The following TRAF5 variants were observed in gnomAD, a reference collection of about 807,000 sequenced individuals.
TRAF5 encodes the protein TNF receptor-associated factor 5.
In TRAF5, 48 loss-of-function variants were observed where a neutral mutation model predicts 64.5. That is an observed-to-expected ratio of 0.74 (90% CI 0.59 to 0.95). The LOEUF is 0.95. Ranked by LOEUF, TRAF5 falls within the 40% of genes least tolerant of loss-of-function variation. TRAF5 has a pLI of 0.00. For synonymous variants in TRAF5, 206 were observed against 240.5 expected, an observed-to-expected ratio of 0.86 and a Z score of 1.33; for missense variants, 545 against 662.8, an observed-to-expected ratio of 0.82 and a Z score of 1.95.
chr1:211,369,713 G>T, intron 9 of TRAF5, 121 bp downstream of exon 9: 1 of 1,144,112 alleles, frequency 8.7e-7, no homozygotes, highest in East Asian at 2.7e-5. Context: ...AGAATAAGAT[G>T]GTGCAAAGAA....
chr1:211,347,644 G>A (rs923708088), intron 1 of TRAF5, among the ~76,000 whole-genome samples: 2 of 152,198 alleles, frequency 1.3e-5, no homozygotes, highest in African/African-American at 4.8e-5. Context: ...GTCCTCTGCT[G>A]GCTGTTCAGC....
At position 211,339,584 on chromosome 1, in the gene TRAF5, C is replaced by A. The variant is rs546480082; in HGVS notation, c.-2+12695C>A. 5.3e-5 allele frequency among the ~76,000 whole-genome samples: 8 copies of A among 152,302 alleles called. No individual in the cohort carries two copies. In the East Asian group the frequency reaches 1.5e-3, roughly 29 times the overall value. ...CCCAGTTCTACCTACTTCTCTTGGA[C>A]CTCCTCTCTGGGCTCCCTACCTGCT... On this transcript the variant is annotated intron_variant, in intron 1 of 10. Coordinates refer to ENST00000261464, the MANE Select transcript of TRAF5 (RefSeq NM_001033910.3).
At chr1:211,339,848 T>TA (rs1411933321) in intron 1 of TRAF5, among the ~76,000 whole-genome samples, 1 of 152,164 alleles carries the variant, frequency 6.6e-6, no homozygotes, top group Non-Finnish European at 1.5e-5. Context: ...TCTCACAACA[T>TA]GTACCCCAGC....
At chr1:211,346,260 AT>A (rs1370369605) in intron 1 of TRAF5, 1 of 591,118 alleles carries the variant, frequency 1.7e-6, no homozygotes, top group Non-Finnish European at 2.1e-6. Flanking sequence ...CCAGTGGGAT[AT>A]TGTAATTGAT....
chr1:211,341,321 C>T (rs180779280), intron 1 of TRAF5, among the ~76,000 whole-genome samples: 1 of 151,892 alleles, frequency 6.6e-6, no homozygotes, highest in African/African-American at 2.4e-5. Context: ...AACCCTAGGG[C>T]CAAGGGATCA....
chr1:211,340,812 A>G (rs1432792388), intron 1 of TRAF5, among the ~76,000 whole-genome samples: 1 of 152,222 alleles, frequency 6.6e-6, no homozygotes, highest in Non-Finnish European at 1.5e-5. Flanking sequence ...TGGATTACCA[A>G]TAAGTAGCGT....
At chr1:211,351,782 G>A (rs1702793416) in intron 1 of TRAF5, among the ~76,000 whole-genome samples, 1 of 152,072 alleles carries the variant, frequency 6.6e-6, no homozygotes, top group African/African-American at 2.4e-5. Context: ...GTATTTATGT[G>A]GGTCTATTTC....
At position 211,360,622 on chromosome 1, in the gene TRAF5, A is replaced by T. The variant is rs1237178138; in HGVS notation, c.544-80A>T. 2.6e-6 allele frequency: 3 copies of T among 1,146,372 alleles called. No individual in the cohort carries two copies. The African/African-American group carries it at 4.6e-5, about 18-fold the overall frequency. 71.0% of individuals were successfully genotyped at this position (1,146,372 alleles called of 1,614,324 possible). A position where few individuals can be genotyped will look rare whatever the true frequency, so the allele number is the denominator to read the frequency against. On this transcript the variant is annotated intron_variant, in intron 5 of 10. Transcript: ENST00000261464. ...TAGAGAGTAAGCCACGTGACATATAATCCCCAAAGAGACACAGGTGTAATC... is the reference window on the plus strand; with the variant it reads ...TAGAGAGTAAGCCACGTGACATATATTCCCCAAAGAGACACAGGTGTAATC...
At chr1:211,336,805 G>A (rs778810830) in intron 1 of TRAF5, among the ~76,000 whole-genome samples, 9 of 152,186 alleles carry the variant, frequency 5.9e-5, no homozygotes, top group South Asian at 2.1e-4. Context: ...GATTACAGGC[G>A]TATGCCACCA....
chr1:211,335,255 C>T (rs539884823), intron 1 of TRAF5, among the ~76,000 whole-genome samples: 1 of 152,128 alleles, frequency 6.6e-6, no homozygotes, highest in African/African-American at 2.4e-5. Context: ...CTTGTGTCAT[C>T]CCCTCAGCTT....
chr1:211,359,712 A>C, intron 4 of TRAF5, 200 bp from the exon 5 acceptor site: 1 of 503,882 alleles, frequency 2.0e-6, no homozygotes, highest in Non-Finnish European at 3.5e-6. Flanking sequence ...CATCTCTGGT[A>C]CAAGCAGCCC....
intron 10 of TRAF5, among the ~76,000 whole-genome samples, 170 bp from the exon 11 acceptor site, chr1:211,371,958 G>C (rs577996952): frequency 6.6e-6 from 1 of 152,214 alleles, no homozygotes; most frequent in African/African-American, 2.4e-5. Context: ...ACTGTGCCAA[G>C]ACATGATATT....
Position 211,369,725 on chromosome 1 carries a change from A to G in TRAF5, c.930+133A>G, listed in dbSNP as rs1319493686. ...GTAAGAATAAGATGGTGCAAAGAAC[A>G]CTTGTATAACCTCCACCCTGATTCA... On this transcript the variant is annotated intron_variant, in intron 9 of 10. Transcript: ENST00000261464. 6.8e-6 allele frequency: 7 copies of G among 1,035,742 alleles called. No individual in the cohort carries two copies. The East Asian group carries it at 1.7e-4, about 25-fold the overall frequency. 64.2% of individuals were successfully genotyped at this position (1,035,742 alleles called of 1,614,324 possible).
At chr1:211,349,239 TAGTC>T (rs1702708337) in intron 1 of TRAF5, among the ~76,000 whole-genome samples, 1 of 152,092 alleles carries the variant, frequency 6.6e-6, no homozygotes, top group African/African-American at 2.4e-5. Flanking sequence ...AGTGTTATCT[TAGTC>T]TGTTTGTGTT....
intron 1 of TRAF5, among the ~76,000 whole-genome samples, chr1:211,334,606 C>T (rs1051876719): frequency 6.6e-6 from 1 of 152,106 alleles, no homozygotes; most frequent in East Asian, 1.9e-4. Flanking sequence ...TGCAGTGAGC[C>T]GAGATCGCAC....
At chr1:211,332,384 G>A (rs761989051) in intron 1 of TRAF5, among the ~76,000 whole-genome samples, 47 of 152,284 alleles carry the variant, frequency 3.1e-4, no homozygotes, top group Non-Finnish European at 2.6e-4. Flanking sequence ...AGCCCTTTCT[G>A]TTCTCCTGTA....
chr1:211,367,092 C>T (rs1324008090), intron 8 of TRAF5, among the ~76,000 whole-genome samples: 1 of 152,126 alleles, frequency 6.6e-6, no homozygotes, highest in Admixed American at 6.5e-5. Flanking sequence ...AGAGATTCTC[C>T]TACCTCAGCC....
chr1:211,331,468 A>G (rs1261778444), intron 1 of TRAF5, among the ~76,000 whole-genome samples: 1 of 152,194 alleles, frequency 6.6e-6, no homozygotes, highest in Non-Finnish European at 1.5e-5. Context: ...GGGTTGCTGG[A>G]AAGATTAAAT....
chr1:211,331,566 T>C (rs1029086698), intron 1 of TRAF5, among the ~76,000 whole-genome samples: 1 of 152,160 alleles, frequency 6.6e-6, no homozygotes, highest in Non-Finnish European at 1.5e-5. Flanking sequence ...CCATAGAGCA[T>C]TGTGGGGTTT....
Sources: gnomAD v4.1 joint callset for allele counts (sites outside exome capture counted in the v4.1 genomes callset) on GRCh38, gnomAD v4.1.1 for gene constraint, MANE v1.5 for transcripts, NCBI Gene and HGNC (gene_info 2026-07-23, HGNC 2026-07-21) for gene names.